EFNA5: variants seen among roughly 807,000 people sequenced by gnomAD.
The protein encoded by EFNA5 is ephrin A5.
A neutral mutation model predicts 22.9 loss-of-function variants in EFNA5; 5 were observed. The ratio of observed to expected loss-of-function variants is 0.22; its 90% CI spans 0.11 to 0.46. EFNA5 has a LOEUF of 0.46. EFNA5 is among the 20% of genes least tolerant of loss of function. The pLI is 0.99. For missense variants in EFNA5, 237 were observed against 293.3 expected (o/e 0.81, Z 1.40); for synonymous variants, 113 against 112.2 (o/e 1.01, Z -0.04).
At chr5:107,410,897 G>A (rs1447242453) in intron 2 of EFNA5, among the ~76,000 whole-genome samples, 1 of 152,118 alleles carries the variant, frequency 6.6e-6, no homozygotes, top group Non-Finnish European at 1.5e-5. Flanking sequence ...ATATTCTGTT[G>A]ATGCCAATGA....
intron 1 of EFNA5, among the ~76,000 whole-genome samples, chr5:107,522,395 T>C (rs566547619): frequency 1.2e-4 from 19 of 152,130 alleles, no homozygotes; most frequent in African/African-American, 4.6e-4. Flanking sequence ...TCTCTTTCTT[T>C]TTTTCTTTGT....
At chr5:107,647,694 C>T (rs775618054) in intron 1 of EFNA5, among the ~76,000 whole-genome samples, 4 of 152,116 alleles carry the variant, frequency 2.6e-5, no homozygotes, top group African/African-American at 4.8e-5. Flanking sequence ...ATTTTACTGT[C>T]GGTAATGGCT....
At chr5:107,561,130 T>C (rs1288731108) in intron 1 of EFNA5, among the ~76,000 whole-genome samples, 1 of 152,164 alleles carries the variant, frequency 6.6e-6, no homozygotes, top group African/African-American at 2.4e-5. Context: ...GATGAGCAAA[T>C]TAAGCATACC....
At chr5:107,473,730 G>A (rs1415213717) in intron 1 of EFNA5, among the ~76,000 whole-genome samples, 8 of 148,090 alleles carry the variant, frequency 5.4e-5, no homozygotes, top group African/African-American at 2.0e-4. Flanking sequence ...GTGTGATCTC[G>A]GCTCACTGCA....
intron 1 of EFNA5, among the ~76,000 whole-genome samples, chr5:107,430,925 G>A (rs745474942): frequency 7.9e-5 from 12 of 151,686 alleles, no homozygotes; most frequent in African/African-American, 1.2e-4. Context: ...ACAGGCATGC[G>A]CCACCACACC....
chr5:107,557,028 G>A (rs1410586490), intron 1 of EFNA5, among the ~76,000 whole-genome samples: 1 of 151,982 alleles, frequency 6.6e-6, no homozygotes, highest in Non-Finnish European at 1.5e-5. Flanking sequence ...GAATACTTAG[G>A]AAGAAATTAA....
chr5:107,536,534 C>T (rs1021418612), intron 1 of EFNA5, among the ~76,000 whole-genome samples: 1 of 152,028 alleles, frequency 6.6e-6, no homozygotes, highest in Non-Finnish European at 1.5e-5. Flanking sequence ...TATTGCATGC[C>T]TAGCACACAT....
intron 1 of EFNA5, among the ~76,000 whole-genome samples, chr5:107,573,344 G>T (rs920151146): frequency 2.0e-5 from 3 of 151,972 alleles, no homozygotes; most frequent in African/African-American, 7.2e-5. Context: ...GAAACCAGGG[G>T]GTAAGAAGTG....
chr5:107,670,554 G>T lies in EFNA5; in HGVS notation c.60C>A (p.Ser20Arg). Residue 20 changes from serine to arginine, a missense_variant, in exon 1 of 5, where the codon AGC becomes AGA. Transcript: ENST00000333274. Reference protein sequence around the residue: ...VFLVLWMCVFSQDPGSKAVAD... With the variant: ...VFLVLWMCVFRQDPGSKAVAD... ...CGACGGCCTTGGAGCCCGGGTCCTG[G>T]CTGAACACACACATCCAGAGCACCA... 6.3e-7 allele frequency: 1 copy of T among 1,597,720 alleles called. No individual in the cohort carries two copies. Among genetic ancestry groups the T allele is most frequent in the East Asian group, 2.3e-5 (1 of 43,504 alleles).
chr5:107,498,179 G>A (rs1271331458), intron 1 of EFNA5, among the ~76,000 whole-genome samples: 1 of 152,208 alleles, frequency 6.6e-6, no homozygotes, highest in African/African-American at 2.4e-5. Context: ...GCCTCCCAAA[G>A]TGCTGGGATT....
chr5:107,412,596 G>T (rs1748398505), intron 2 of EFNA5, among the ~76,000 whole-genome samples: 1 of 152,004 alleles, frequency 6.6e-6, no homozygotes, highest in Non-Finnish European at 1.5e-5. Context: ...TGAGACTATA[G>T]GGAAAAAAAA....
rs529878726 is a variant in EFNA5, at chr5:107,422,487, A to G, written c.418+4730T>C. Reference sequence around the variant, plus strand: ...AGAGGTCAGAGTCGCTGCCTCTTGGATAAAGACATTGTTTGAACACAGACC... The same window carrying G: ...AGAGGTCAGAGTCGCTGCCTCTTGGGTAAAGACATTGTTTGAACACAGACC... On this transcript the variant is annotated intron_variant, in intron 2 of 4. Transcript: ENST00000333274. 3.9e-5 allele frequency among the ~76,000 whole-genome samples: 6 copies of G among 152,346 alleles called. 1 individual carries two copies. The South Asian group carries it at 1.2e-3, about 32-fold the overall frequency.
chr5:107,523,587 G>T (rs1747638666), intron 1 of EFNA5, among the ~76,000 whole-genome samples: 1 of 152,192 alleles, frequency 6.6e-6, no homozygotes, highest in Admixed American at 6.5e-5. Context: ...TATGGTTCCA[G>T]GCACAACTTC....
At chr5:107,492,887 T>C (rs1746852005) in intron 1 of EFNA5, among the ~76,000 whole-genome samples, 1 of 151,592 alleles carries the variant, frequency 6.6e-6, no homozygotes, top group Non-Finnish European at 1.5e-5. Context: ...TAATCCCAAC[T>C]ATTCAGGAGG....
At chr5:107,391,269 C>A (rs886088731) in intron 2 of EFNA5, among the ~76,000 whole-genome samples, 6 of 152,192 alleles carry the variant, frequency 3.9e-5, no homozygotes, top group Admixed American at 3.3e-4. Context: ...TGTTGTGGTT[C>A]TTCAAGCTGG....
At chr5:107,600,862 C>T (rs1749577509) in intron 1 of EFNA5, among the ~76,000 whole-genome samples, 1 of 151,968 alleles carries the variant, frequency 6.6e-6, no homozygotes, top group African/African-American at 2.4e-5. Context: ...TGGACCTCAC[C>T]CCGTGAAAAG....
intron 2 of EFNA5, among the ~76,000 whole-genome samples, chr5:107,418,470 T>C (rs1748565303): frequency 6.6e-6 from 1 of 152,170 alleles, no homozygotes; most frequent in South Asian, 2.1e-4. Context: ...AAAAGAACAA[T>C]CCTTTAATTT....
intron 1 of EFNA5, among the ~76,000 whole-genome samples, chr5:107,616,589 C>T (rs1749920136): frequency 6.6e-6 from 1 of 151,720 alleles, no homozygotes; most frequent in South Asian, 2.1e-4. Flanking sequence ...CAGAGCTGCT[C>T]GTGTGTGTGT....
At chr5:107,396,950 C>T (rs1450256328) in intron 2 of EFNA5, among the ~76,000 whole-genome samples, 3 of 152,128 alleles carry the variant, frequency 2.0e-5, no homozygotes, top group Non-Finnish European at 2.9e-5. Flanking sequence ...ACTGCTTTTG[C>T]AACTGTATAC....
Sources: allele counts gnomAD v4.1 joint callset (sites outside exome capture counted in the v4.1 genomes callset), GRCh38; gene constraint gnomAD v4.1.1; transcripts MANE v1.5; gene names NCBI Gene and HGNC (gene_info 2026-07-23, HGNC 2026-07-21).